The following TTC39C variants were observed in gnomAD, a reference collection of about 807,000 sequenced individuals.
The protein encoded by TTC39C is tetratricopeptide repeat domain 39C.
In TTC39C, 33 loss-of-function variants were observed where a neutral mutation model predicts 76.3. The ratio of observed to expected loss-of-function variants is 0.43; its 90% CI spans 0.33 to 0.58. The LOEUF is 0.58. Ranked by LOEUF, TTC39C falls within the 20% of genes least tolerant of loss-of-function variation. The pLI is 0.04. For synonymous variants in TTC39C, 254 were observed against 260.6 expected (o/e 0.97, Z 0.24); for missense variants, 595 against 701.4 (o/e 0.85, Z 1.71).
intron 1 of TTC39C, among the ~76,000 whole-genome samples, chr18:24,015,781 T>A (rs2083448188): frequency 6.6e-6 from 1 of 152,228 alleles, no homozygotes; most frequent in Non-Finnish European, 1.5e-5. Flanking sequence ...GTTCAGTTAA[T>A]TTTTTATTTG....
chr18:24,135,241 T>G lies in TTC39C; in HGVS notation c.*2667T>G, dbSNP rs1214510393. 2 of 152,060 alleles carry G rather than the reference T, an allele frequency of 1.3e-5. No homozygotes were observed. Among genetic ancestry groups the G allele is most frequent in the African/African-American group, 4.8e-5 (2 of 41,372 alleles). 9.4% of individuals were successfully genotyped at this position (152,060 alleles called of 1,614,324 possible). A position where few individuals can be genotyped will look rare whatever the true frequency, so the allele number is the denominator to read the frequency against. On this transcript the variant is annotated 3_prime_UTR_variant, in exon 14 of 14. Transcript: ENST00000317571. ...TGGTCTTGAACTCCTGACCTCATGA[T>G]CCACCCACCTTGTCCTCTCAAAATG...
intron 1 of TTC39C, among the ~76,000 whole-genome samples, chr18:24,056,776 G>A (rs1444620444): frequency 6.6e-6 from 1 of 151,970 alleles, no homozygotes; most frequent in Non-Finnish European, 1.5e-5. Flanking sequence ...CAAATGCAGT[G>A]AACATAAGAG....
At chr18:23,999,221 C>T (rs1030122219) in intron 1 of TTC39C, among the ~76,000 whole-genome samples, 2 of 152,154 alleles carry the variant, frequency 1.3e-5, no homozygotes, top group Admixed American at 6.5e-5. Context: ...CCTAGCCTTC[C>T]GGGTTTCCAT....
chr18:24,027,490 G>T (rs148462423), intron 1 of TTC39C, among the ~76,000 whole-genome samples: 3 of 151,238 alleles, frequency 2.0e-5, no homozygotes, highest in African/African-American at 7.3e-5. Context: ...ATGCTCACCC[G>T]CATCTTTATT....
chr18:24,000,754 T>C (rs1010284863), intron 1 of TTC39C, among the ~76,000 whole-genome samples: 5 of 152,166 alleles, frequency 3.3e-5, no homozygotes, highest in African/African-American at 1.2e-4. Context: ...TGCCCTGCTG[T>C]TGTCATCTTA....
intron 8 of TTC39C, among the ~76,000 whole-genome samples, chr18:24,121,166 G>A (rs1361659375): frequency 6.6e-6 from 1 of 152,142 alleles, no homozygotes; most frequent in African/African-American, 2.4e-5. Flanking sequence ...ATAACATATG[G>A]GATTGTGTAT....
At chr18:24,026,089 G>T (rs1474044603) in intron 1 of TTC39C, among the ~76,000 whole-genome samples, 1 of 152,110 alleles carries the variant, frequency 6.6e-6, no homozygotes, top group Non-Finnish European at 1.5e-5. Context: ...AGGTTTCTCT[G>T]TCCCTTGCCA....
At position 24,105,237 on chromosome 18, in the gene TTC39C, A is replaced by G. The variant is rs560591041; in HGVS notation, c.985-9317A>G. On this transcript the variant is annotated intron_variant, in intron 6 of 13. Coordinates refer to ENST00000317571, the MANE Select transcript of TTC39C (RefSeq NM_001135993.2). Reference sequence around the variant, plus strand: ...ATAAGATATACACATGGCCAATAACATGTGAACCTTGCAAAAATCCAGGAA... The same window carrying G: ...ATAAGATATACACATGGCCAATAACGTGTGAACCTTGCAAAAATCCAGGAA... Among the ~76,000 whole-genome samples the G allele has an allele frequency of 9.2e-5, 14 of 152,330 alleles. No homozygotes were observed. In the South Asian group the frequency reaches 2.1e-3, roughly 23 times the overall value.
chr18:24,011,706 A>AT (rs1240199744), upstream of TTC39C, among the ~76,000 whole-genome samples: 2 of 152,220 alleles, frequency 1.3e-5, no homozygotes, highest in Non-Finnish European at 2.9e-5. Context: ...TTCACAGTGA[A>AT]ATCAAATGAA....
chr18:24,058,732 A>G (rs2084050483), intron 1 of TTC39C, among the ~76,000 whole-genome samples: 1 of 152,222 alleles, frequency 6.6e-6, no homozygotes, highest in African/African-American at 2.4e-5. Flanking sequence ...TTTAGATTTA[A>G]TAGACACTGA....
chr18:24,131,096 G>GT (rs1283010874), intron 12 of TTC39C, among the ~76,000 whole-genome samples: 1 of 134,122 alleles, frequency 7.5e-6, no homozygotes, highest in Non-Finnish European at 1.5e-5. Context: ...TGTGCCTGTA[G>GT]TCCCAGTTAA....
intron 6 of TTC39C, among the ~76,000 whole-genome samples, chr18:24,097,615 T>A (rs2084606935): frequency 6.6e-6 from 1 of 152,214 alleles, no homozygotes; most frequent in Non-Finnish European, 1.5e-5. Flanking sequence ...TGAACAAGAT[T>A]AATATTTTCT....
chr18:24,117,984 T>G, intron 7 of TTC39C, 141 bp from the exon 8 acceptor site: 1 of 550,250 alleles, frequency 1.8e-6, no homozygotes, highest in Middle Eastern at 2.8e-4. Flanking sequence ...AAATAATTTC[T>G]TAGGTTTTCA....
At chr18:24,045,256 A>G (rs565718206) in intron 1 of TTC39C, among the ~76,000 whole-genome samples, 74 of 90,010 alleles carry the variant, frequency 8.2e-4, no homozygotes, top group Middle Eastern at 0.024. Context: ...GTGACAGAGT[A>G]AGACTCTGTC....
At chr18:24,000,241 T>C (rs1387533815) in intron 1 of TTC39C, 6 of 152,196 alleles carry the variant, frequency 3.9e-5, no homozygotes, top group African/African-American at 1.2e-4. Flanking sequence ...GATAGGGTCT[T>C]ACAGAGGTAA....
At chr18:24,015,223 C>A (rs1273032483) in intron 1 of TTC39C, 185 bp downstream of exon 1, 3 of 521,668 alleles carry the variant, frequency 5.8e-6, no homozygotes, top group African/African-American at 4.0e-5. Flanking sequence ...CCTCGTCCAC[C>A]CCCTACCCCC....
At chr18:24,126,657 T>G (rs560923687) in intron 10 of TTC39C, among the ~76,000 whole-genome samples, 165 of 151,920 alleles carry the variant, frequency 1.1e-3, no homozygotes, top group African/African-American at 3.8e-3. Context: ...TTTTTTTTTT[T>G]TTAGTTTTTA....
intron 1 of TTC39C, among the ~76,000 whole-genome samples, chr18:23,997,131 T>C (rs73402207): frequency 0.18 from 27,344 of 150,898 alleles, 3,041 homozygotes; most frequent in East Asian, 0.58. Flanking sequence ...AAGAAATTGG[T>C]TTAGGCAGGG....
chr18:24,133,986 G>A lies in TTC39C; in HGVS notation c.*1412G>A, dbSNP rs979545257. On this transcript the variant is annotated 3_prime_UTR_variant, in exon 14 of 14. Transcript: ENST00000317571. ...GGCAAATTTTATCTGATTTGACCTT[G>A]TTTTGAGGGAATAGTCATAATTTCT... is the stretch of plus-strand genomic sequence containing the variant. 1 of 153,006 alleles carries A rather than the reference G, an allele frequency of 6.5e-6. No homozygotes were observed. The highest frequency in any genetic ancestry group is 1.5e-5 in the Non-Finnish European group (1 of 68,180). The allele number at this position is 153,006 out of a possible 1,614,324, so 9.5% of individuals were successfully genotyped here. A position where few individuals can be genotyped will look rare whatever the true frequency, so the allele number is the denominator to read the frequency against.
Sources: allele counts gnomAD v4.1 joint callset (sites outside exome capture counted in the v4.1 genomes callset), GRCh38; gene constraint gnomAD v4.1.1; transcripts MANE v1.5; gene names NCBI Gene and HGNC (gene_info 2026-07-23, HGNC 2026-07-21).